The following CFAP299 variants were observed in gnomAD, a reference collection of about 807,000 sequenced individuals.
The protein encoded by CFAP299 is cilia- and flagella-associated protein 299.
In CFAP299, 21 loss-of-function variants were observed where a neutral mutation model predicts 27.0. That is an observed-to-expected ratio of 0.78 (90% CI 0.55 to 1.12). The LOEUF is 1.12. CFAP299 is among the 50% of genes most tolerant of loss of function. The pLI is 0.00. For missense variants in CFAP299, 310 were observed against 276.6 expected (o/e 1.12, Z -0.86); for synonymous variants, 104 against 98.1 (o/e 1.06, Z -0.36).
intron 2 of CFAP299, among the ~76,000 whole-genome samples, chr4:80,511,078 G>A (rs1732274201): frequency 6.6e-6 from 1 of 152,106 alleles, no homozygotes; most frequent in South Asian, 2.1e-4. Context: ...TACTGAAGAA[G>A]CAATATAATG....
intron 2 of CFAP299, among the ~76,000 whole-genome samples, chr4:80,575,485 C>A (rs896198151): frequency 6.6e-5 from 10 of 152,022 alleles, no homozygotes; most frequent in African/African-American, 2.4e-4. Flanking sequence ...GCCACCATGA[C>A]CAGCTAATGT....
intron 3 of CFAP299, among the ~76,000 whole-genome samples, chr4:80,740,807 T>A (rs1380567321): frequency 6.6e-6 from 1 of 152,212 alleles, no homozygotes; most frequent in African/African-American, 2.4e-5. Context: ...TATAAGCCTC[T>A]CCTGGTGGTC....
At chr4:80,810,929 C>T (rs1560424458) in intron 3 of CFAP299, among the ~76,000 whole-genome samples, 1 of 152,226 alleles carries the variant, frequency 6.6e-6, no homozygotes, top group East Asian at 1.9e-4. Context: ...ATGCCAGCTG[C>T]CCCACTCATG....
chr4:80,736,432 T>C (rs1046407304), intron 3 of CFAP299, among the ~76,000 whole-genome samples: 1 of 151,402 alleles, frequency 6.6e-6, no homozygotes, highest in African/African-American at 2.4e-5. Context: ...AGGGCTAATA[T>C]CCACATTCTA....
chr4:80,757,155 A>T (rs915324336), intron 3 of CFAP299, among the ~76,000 whole-genome samples: 2 of 151,970 alleles, frequency 1.3e-5, no homozygotes, highest in Non-Finnish European at 2.9e-5. Context: ...TCAAAGTTTG[A>T]TTTTTCTTTT....
rs143122212 is a variant in CFAP299, at chr4:80,593,410, C to T, written c.333+10227C>T. 9.6e-3 allele frequency among the ~76,000 whole-genome samples: 1,463 copies of T among 152,282 alleles called. 14 individuals carry two copies. Among genetic ancestry groups the T allele is most frequent in the African/African-American group, 0.029 (1,217 of 41,560 alleles). ...CTCCTCTTCATATCTGACCAGTATA[C>T]GGCTTTTGCAGTGTTAACTGTTGCA... On this transcript the variant is annotated intron_variant, in intron 3 of 5. Transcript: ENST00000358105.
chr4:80,371,120 T>C (rs1440922621), intron 2 of CFAP299, among the ~76,000 whole-genome samples: 1 of 152,220 alleles, frequency 6.6e-6, no homozygotes, highest in Non-Finnish European at 1.5e-5. Context: ...ATCAAGGCTA[T>C]GGCTTGCATC....
chr4:80,512,958 A>C (rs1253578551), intron 2 of CFAP299, among the ~76,000 whole-genome samples: 1 of 152,204 alleles, frequency 6.6e-6, no homozygotes, highest in Non-Finnish European at 1.5e-5. Context: ...AGTTAAAAGC[A>C]TAGAATAAAA....
intron 2 of CFAP299, among the ~76,000 whole-genome samples, chr4:80,475,122 G>A (rs554514877): frequency 6.6e-6 from 1 of 152,124 alleles, no homozygotes; most frequent in Admixed American, 6.5e-5. Context: ...CATGTGGCTC[G>A]GGCAGAGGGA....
intron 4 of CFAP299, among the ~76,000 whole-genome samples, chr4:80,884,997 C>G (rs1733905287): frequency 6.6e-6 from 1 of 152,176 alleles, no homozygotes; most frequent in Admixed American, 6.5e-5. Context: ...CAGCATCCCT[C>G]CCCCATACCC....
chr4:80,404,222 T>A (rs1423318982), intron 2 of CFAP299, among the ~76,000 whole-genome samples: 1 of 151,884 alleles, frequency 6.6e-6, no homozygotes, highest in African/African-American at 2.4e-5. Flanking sequence ...TATAATATTA[T>A]CATATATATA....
intron 2 of CFAP299, among the ~76,000 whole-genome samples, chr4:80,468,166 T>C (rs916323440): frequency 1.3e-5 from 2 of 152,218 alleles, no homozygotes; most frequent in East Asian, 3.8e-4. Context: ...CCGGATTTTT[T>C]ACTTATAAAG....
chr4:80,887,659 A>G (rs1020041673), intron 4 of CFAP299, among the ~76,000 whole-genome samples: 1 of 152,208 alleles, frequency 6.6e-6, no homozygotes, highest in East Asian at 1.9e-4. Context: ...CACTGGTAAT[A>G]GTGAGCACAT....
At chr4:80,406,541 CT>C (rs913842678) in intron 2 of CFAP299, among the ~76,000 whole-genome samples, 1 of 151,990 alleles carries the variant, frequency 6.6e-6, no homozygotes, top group African/African-American at 2.4e-5. Context: ...ATTTTGTTTA[CT>C]TTTTTTAGAG....
intron 3 of CFAP299, among the ~76,000 whole-genome samples, chr4:80,819,043 G>T (rs964486491): frequency 1.3e-5 from 2 of 152,128 alleles, no homozygotes; most frequent in African/African-American, 4.8e-5. Context: ...GAACTGGAGA[G>T]ATGTGATTTT....
At chr4:80,359,656 G>A (rs887749377) in intron 1 of CFAP299, among the ~76,000 whole-genome samples, 17 of 152,120 alleles carry the variant, frequency 1.1e-4, no homozygotes, top group African/African-American at 4.1e-4. Context: ...CATATTGTGT[G>A]TTTCAGCTCA....
At chr4:80,888,947 CA>C (rs1734105114) in intron 4 of CFAP299, among the ~76,000 whole-genome samples, 1 of 116,496 alleles carries the variant, frequency 8.6e-6, no homozygotes, top group Non-Finnish European at 1.7e-5. Context: ...CACGACATGC[CA>C]AAACCTGTGG....
intron 3 of CFAP299, among the ~76,000 whole-genome samples, chr4:80,670,287 G>A (rs1328766811): frequency 1.3e-5 from 2 of 151,876 alleles, no homozygotes; most frequent in East Asian, 3.9e-4. Flanking sequence ...TGATTTCCAG[G>A]TTCACCCATG....
At chr4:80,374,031 C>G (rs1008046444) in intron 2 of CFAP299, among the ~76,000 whole-genome samples, 12 of 152,204 alleles carry the variant, frequency 7.9e-5, no homozygotes, top group African/African-American at 2.9e-4. Flanking sequence ...AAAAGTCTCT[C>G]TCTGAAATTT....
Sources: allele counts gnomAD v4.1 joint callset (sites outside exome capture counted in the v4.1 genomes callset), GRCh38; gene constraint gnomAD v4.1.1; transcripts MANE v1.5; gene names NCBI Gene and HGNC (gene_info 2026-07-23, HGNC 2026-07-21).